Variants in MMP26 observed in about 807,000 individuals in gnomAD.
MMP26 encodes matrix metalloproteinase-26.
MMP26 carries 33 observed loss-of-function variants against 31.0 expected under a neutral mutation model. The ratio of observed to expected loss-of-function variants is 1.06; its 90% CI spans 0.81 to 1.42. The LOEUF (loss-of-function observed/expected upper bound fraction) is 1.42. MMP26 is among the 40% of genes most tolerant of loss of function. The probability of loss-of-function intolerance (pLI) is 0.00; values close to 1 mark genes in which losing one functional copy is unlikely to be tolerated. For missense variants in MMP26, 347 were observed against 316.1 expected (o/e 1.10, Z -0.74); for synonymous variants, 122 against 114.9 (o/e 1.06, Z -0.40).
chr11:4,968,708 T>A (rs943060197), intron 2 of MMP26, among the ~76,000 whole-genome samples: 1 of 151,992 alleles, frequency 6.6e-6, no homozygotes, highest in Admixed American at 6.5e-5. Context: ...CATGAAAGTT[T>A]GTCATTTTTG....
intron 2 of MMP26, among the ~76,000 whole-genome samples, chr11:4,843,258 C>T (rs773028277): frequency 9.9e-5 from 15 of 152,194 alleles, no homozygotes; most frequent in Non-Finnish European, 1.9e-4. Flanking sequence ...CCAGTGGGAA[C>T]TCTGTGTGGG....
At chr11:4,873,588 G>A (rs1033243425) in intron 2 of MMP26, among the ~76,000 whole-genome samples, 2 of 151,966 alleles carry the variant, frequency 1.3e-5, no homozygotes, top group Non-Finnish European at 2.9e-5. Flanking sequence ...ATGAAAGTAG[G>A]TGCATAACTT....
At chr11:4,938,371 A>G (rs1846158536) in intron 2 of MMP26, 1 of 151,910 alleles carries the variant, frequency 6.6e-6, no homozygotes, top group African/African-American at 2.4e-5. Context: ...ATGGTAGAAG[A>G]TATTGCTTTC....
chr11:4,958,978 C>T (rs1846482014), intron 2 of MMP26, among the ~76,000 whole-genome samples: 1 of 152,100 alleles, frequency 6.6e-6, no homozygotes, highest in Non-Finnish European at 1.5e-5. Flanking sequence ...GTGGCTCACG[C>T]CTGTAATCCC....
At chr11:4,768,867 G>C in intron 2 of MMP26, 2 of 551,168 alleles carry the variant, frequency 3.6e-6, no homozygotes, top group Non-Finnish European at 3.1e-6. Flanking sequence ...TTTGTTTGGT[G>C]AATGAAAAAT....
intron 2 of MMP26, among the ~76,000 whole-genome samples, chr11:4,907,113 A>AAAAAAAAAAAG: frequency 6.7e-6 from 1 of 148,530 alleles, no homozygotes; most frequent in Non-Finnish European, 1.5e-5. Flanking sequence ...AAAAAAAAAA[A>AAAAAAAAAAAG]AATCCTAAAA....
At chr11:4,946,158 G>T (rs1846298342) in intron 2 of MMP26, 1 of 1,612,972 alleles carries the variant, frequency 6.2e-7, no homozygotes, top group Non-Finnish European at 8.5e-7. Flanking sequence ...ACATATGACT[G>T]TTAAATCTTC....
At chr11:4,714,920 TCACACA>T (rs66913726) in intron 1 of MMP26, among the ~76,000 whole-genome samples, 3,314 of 141,708 alleles carry the variant, frequency 0.023, 137 homozygotes, top group African/African-American at 0.078. Context: ...TCTCTCTCTC[TCACACA>T]CACACACACA....
At chr11:4,979,248 C>G (rs1016920211) in intron 2 of MMP26, among the ~76,000 whole-genome samples, 5 of 152,052 alleles carry the variant, frequency 3.3e-5, no homozygotes, top group Non-Finnish European at 2.9e-5. Flanking sequence ...AGAGAATTTG[C>G]GAGCCCTTGC....
chr11:4,864,495 C>G (rs994453381), intron 2 of MMP26, among the ~76,000 whole-genome samples: 5 of 152,116 alleles, frequency 3.3e-5, no homozygotes, highest in Admixed American at 6.6e-5. Flanking sequence ...TTAGTTTAGG[C>G]ATGATTGACA....
At chr11:4,769,291 A>G in intron 2 of MMP26, 1 of 1,613,424 alleles carries the variant, frequency 6.2e-7, no homozygotes, top group African/African-American at 1.3e-5. Context: ...TATCTATTCC[A>G]GTGGTCAGGA....
chr11:4,917,931 T>A (rs1394413343), intron 2 of MMP26, among the ~76,000 whole-genome samples: 1 of 151,164 alleles, frequency 6.6e-6, no homozygotes, highest in African/African-American at 2.4e-5. Context: ...CCACCCTATT[T>A]CATTTTAATG....
chr11:4,803,680 C>T, intron 2 of MMP26: 4 of 1,613,862 alleles, frequency 2.5e-6, no homozygotes, highest in Non-Finnish European at 3.4e-6. Context: ...GCGGGCTTCA[C>T]CTGAGGGCAA....
chr11:4,930,021 G>C (rs1851324507), intron 2 of MMP26, among the ~76,000 whole-genome samples: 1 of 151,998 alleles, frequency 6.6e-6, no homozygotes, highest in Admixed American at 6.6e-5. Context: ...TAATCTTGGT[G>C]TGAACATAAT....
chr11:4,959,162 C>T (rs1315043849), intron 2 of MMP26, among the ~76,000 whole-genome samples: 10 of 138,636 alleles, frequency 7.2e-5, no homozygotes, highest in East Asian at 2.3e-4. Context: ...GGCGTGAATA[C>T]GGGAGGCGGA....
At chr11:4,940,989 G>GT (rs1217715948) in intron 2 of MMP26, among the ~76,000 whole-genome samples, 2 of 152,150 alleles carry the variant, frequency 1.3e-5, no homozygotes, top group Non-Finnish European at 2.9e-5. Flanking sequence ...CTCTTTTGAA[G>GT]TATCTGTTCA....
At chr11:4,794,614 G>A (rs370052765) in intron 2 of MMP26, among the ~76,000 whole-genome samples, 78 of 152,170 alleles carry the variant, frequency 5.1e-4, no homozygotes, top group African/African-American at 1.7e-3. Flanking sequence ...GACTCTTTAG[G>A]TATTTGACCT....
At chr11:4,806,759 A>G (rs2133457335) in intron 2 of MMP26, among the ~76,000 whole-genome samples, 1 of 152,302 alleles carries the variant, frequency 6.6e-6, no homozygotes, top group South Asian at 2.1e-4. Context: ...AATAAGATAT[A>G]GGTTTGCTCA....
chr11:4,901,114 A>G (rs1328324701), intron 2 of MMP26, among the ~76,000 whole-genome samples: 1 of 149,392 alleles, frequency 6.7e-6, no homozygotes, highest in Non-Finnish European at 1.5e-5. Context: ...ATAGTAGTGC[A>G]CTAACATCAG....
Sources: gnomAD v4.1 joint callset for allele counts (sites outside exome capture counted in the v4.1 genomes callset) on GRCh38, gnomAD v4.1.1 for gene constraint, MANE v1.5 for transcripts, NCBI Gene and HGNC (gene_info 2026-07-23, HGNC 2026-07-21) for gene names.